The following MIR2052HG variants were observed in gnomAD, a reference collection of about 807,000 sequenced individuals.
MIR2052HG encodes the protein MIR2052 host gene.
At position 74,712,763 on chromosome 8, in the gene MIR2052HG, G is replaced by C. The variant is rs138226710; in HGVS notation, n.371+9081G>C. Among the ~76,000 whole-genome samples the C allele has an allele frequency of 2.0e-3, 295 of 147,916 alleles. No homozygotes were observed. The Middle Eastern group carries it at 0.021, about 11-fold the overall frequency. ...TCAAATGTACTTAAGACTACCCATT[G>C]TGTGGATAGCACTATTGATTGAGAT... On this transcript the variant is annotated intron_variant and non_coding_transcript_variant, in intron 4 of 6. Coordinates refer to ENST00000523442, the Ensembl canonical transcript of MIR2052HG.
intron 2 of MIR2052HG, among the ~76,000 whole-genome samples, chr8:74,641,371 G>C (rs977197818): frequency 6.6e-6 from 1 of 152,126 alleles, no homozygotes; most frequent in Non-Finnish European, 1.5e-5. Context: ...CTGTTAAAGA[G>C]ATAAAAGCAA....
chr8:74,615,607 ATCT>A (rs1042574289), intron 2 of MIR2052HG, among the ~76,000 whole-genome samples: 4 of 150,172 alleles, frequency 2.7e-5, no homozygotes, highest in African/African-American at 9.8e-5. Flanking sequence ...TTGTGTTCTC[ATCT>A]TCTTTTTTTT....
intron 4 of MIR2052HG, among the ~76,000 whole-genome samples, chr8:74,733,972 A>C (rs1809721655): frequency 2.0e-5 from 3 of 152,258 alleles, no homozygotes; most frequent in South Asian, 4.1e-4. Context: ...ACAAAAGCCA[A>C]AACTGACAAA....
Position 74,613,912 on chromosome 8 carries a change from A to G in MIR2052HG, n.216+972A>G, listed in dbSNP as rs1483768505. Among the ~76,000 whole-genome samples the G allele has an allele frequency of 2.0e-5, 3 of 152,322 alleles. No individual in the cohort carries two copies. The East Asian group carries it at 5.8e-4, about 29-fold the overall frequency. ...TGAATTAGGTGTATTTTGGTTATGC[A>G]TTGAATTTTAGATATTTACATGAAT... is the stretch of plus-strand genomic sequence containing the variant. On this transcript the variant is annotated intron_variant and non_coding_transcript_variant, in intron 2 of 6. Transcript: ENST00000523442.
At chr8:74,670,346 G>T (rs1352263033) in intron 2 of MIR2052HG, among the ~76,000 whole-genome samples, 5 of 152,078 alleles carry the variant, frequency 3.3e-5, no homozygotes, top group Non-Finnish European at 7.4e-5. Context: ...AAAAGACAGA[G>T]TATGAAAAAT....
At chr8:74,651,555 T>C (rs1415553004) in intron 2 of MIR2052HG, among the ~76,000 whole-genome samples, 1 of 152,148 alleles carries the variant, frequency 6.6e-6, no homozygotes, top group Admixed American at 6.5e-5. Context: ...TACAATTTAG[T>C]GGAGAAGACA....
At chr8:74,664,594 T>G (rs1308879494) in intron 2 of MIR2052HG, among the ~76,000 whole-genome samples, 1 of 152,168 alleles carries the variant, frequency 6.6e-6, no homozygotes, top group Non-Finnish European at 1.5e-5. Context: ...CTCGGCTCAC[T>G]GCAACCTCCG....
intron 2 of MIR2052HG, among the ~76,000 whole-genome samples, chr8:74,645,167 A>G (rs1197574200): frequency 6.6e-6 from 1 of 152,200 alleles, no homozygotes; most frequent in African/African-American, 2.4e-5. Context: ...CACTCAAGAT[A>G]TCAAAGTATA....
At chr8:74,643,991 C>T (rs1245699677) in intron 2 of MIR2052HG, among the ~76,000 whole-genome samples, 2 of 152,184 alleles carry the variant, frequency 1.3e-5, no homozygotes, top group African/African-American at 4.8e-5. Context: ...TTTGTATCCT[C>T]AGTGCTTAAC....
At chr8:74,616,846 T>C (rs1248663576) in intron 2 of MIR2052HG, among the ~76,000 whole-genome samples, 1 of 152,082 alleles carries the variant, frequency 6.6e-6, no homozygotes, top group Non-Finnish European at 1.5e-5. Flanking sequence ...CTAAATCTAA[T>C]GGTTAAGAAT....
At chr8:74,735,843 G>A (rs1809739704) in intron 4 of MIR2052HG, among the ~76,000 whole-genome samples, 1 of 152,132 alleles carries the variant, frequency 6.6e-6, no homozygotes, top group Non-Finnish European at 1.5e-5. Flanking sequence ...TTAGCACATC[G>A]CTTGTGTTTA....
intron 4 of MIR2052HG, among the ~76,000 whole-genome samples, chr8:74,720,892 T>A (rs1264612896): frequency 1.3e-5 from 2 of 152,014 alleles, no homozygotes; most frequent in African/African-American, 4.8e-5. Flanking sequence ...TTTTAAACCA[T>A]CAGATCTTAT....
chr8:74,651,789 C>A (rs1199019189), intron 2 of MIR2052HG, among the ~76,000 whole-genome samples: 2 of 152,132 alleles, frequency 1.3e-5, no homozygotes, highest in Admixed American at 1.3e-4. Flanking sequence ...TACACAGGGT[C>A]TGAGTCTGGT....
chr8:74,740,987 G>A (rs1172993355), intron 4 of MIR2052HG, among the ~76,000 whole-genome samples: 1 of 152,150 alleles, frequency 6.6e-6, no homozygotes, highest in Non-Finnish European at 1.5e-5. Flanking sequence ...TGCTGAATTA[G>A]CAAATACTAA....
intron 1 of MIR2052HG, chr8:74,603,854 C>T: frequency 1.1e-6 from 1 of 906,580 alleles, no homozygotes; most frequent in Admixed American, 1.7e-5. Context: ...GCCATCTAGA[C>T]CTGAGCCCCT....
At position 74,706,336 on chromosome 8, in the gene MIR2052HG, A is replaced by C. The variant is rs541846964; in HGVS notation, n.371+2654A>C. ...GGGGAAGAGGGAGTTTTGTCCCTTC[A>C]TAAATCTCCATGAGCAACCCCCTCT... On this transcript the variant is annotated intron_variant and non_coding_transcript_variant, in intron 4 of 6. Transcript: ENST00000523442. 6.6e-5 allele frequency among the ~76,000 whole-genome samples: 10 copies of C among 152,248 alleles called. No homozygotes were observed. In the East Asian group the frequency reaches 1.4e-3, roughly 21 times the overall value.
intron 4 of MIR2052HG, among the ~76,000 whole-genome samples, chr8:74,715,852 G>A (rs929295639): frequency 6.6e-6 from 1 of 152,222 alleles, no homozygotes; most frequent in Admixed American, 6.5e-5. Flanking sequence ...GGCCTCATCT[G>A]TGAAATCATG....
chr8:74,638,459 T>G (rs1808605859), intron 2 of MIR2052HG, among the ~76,000 whole-genome samples: 2 of 152,054 alleles, frequency 1.3e-5, no homozygotes, highest in African/African-American at 4.8e-5. Flanking sequence ...GAGGATGACT[T>G]GAAGGGGATG....
intron 2 of MIR2052HG, among the ~76,000 whole-genome samples, chr8:74,700,758 G>T (rs956884423): frequency 5.3e-5 from 8 of 151,888 alleles, no homozygotes; most frequent in Non-Finnish European, 7.4e-5. Context: ...TGTTTTTTCA[G>T]TTTTTTTCTG....
Sources: gnomAD v4.1 joint callset for allele counts (sites outside exome capture counted in the v4.1 genomes callset) on GRCh38, gnomAD v4.1.1 for gene constraint, MANE v1.5 for transcripts, NCBI Gene and HGNC (gene_info 2026-07-23, HGNC 2026-07-21) for gene names.